Variants in DLG2 observed in about 807,000 individuals in gnomAD.
The protein encoded by DLG2 is disks large homolog 2.
DLG2 carries 45 observed loss-of-function variants against 132.5 expected under a neutral mutation model. That is an observed-to-expected ratio of 0.34 (90% CI 0.27 to 0.44). The LOEUF (loss-of-function observed/expected upper bound fraction) is 0.44, where lower values mean the gene tolerates loss of function less well. Among genes scored for constraint, DLG2 ranks in the 20% least tolerant of loss-of-function variants. The pLI, the probability that DLG2 is intolerant of heterozygous loss-of-function variation, is 1.00. For synonymous variants in DLG2, 424 were observed against 419.6 expected, an observed-to-expected ratio of 1.01 and a Z score of -0.13; for missense variants, 1,045 against 1,196.9, an observed-to-expected ratio of 0.87 and a Z score of 1.87.
intron 3 of DLG2, among the ~76,000 whole-genome samples, chr11:85,434,892 C>A (rs1472816808): frequency 6.6e-6 from 1 of 152,154 alleles, no homozygotes; most frequent in Admixed American, 6.5e-5. Flanking sequence ...AGGCCAATAT[C>A]CCTGATGAAC....
chr11:85,307,253 A>C (rs1049045246), intron 3 of DLG2, among the ~76,000 whole-genome samples: 1 of 152,210 alleles, frequency 6.6e-6, no homozygotes, highest in African/African-American at 2.4e-5. Context: ...AAACTGGAGG[A>C]AAAATTAAAA....
chr11:84,950,744 C>G (rs559751891), intron 6 of DLG2, among the ~76,000 whole-genome samples: 2 of 152,076 alleles, frequency 1.3e-5, no homozygotes, highest in African/African-American at 2.4e-5. Flanking sequence ...CACACACACA[C>G]GCACCCCTCC....
At chr11:83,767,946 C>T (rs751234721) in intron 18 of DLG2, among the ~76,000 whole-genome samples, 16 of 152,162 alleles carry the variant, frequency 1.1e-4, no homozygotes, top group Non-Finnish European at 1.8e-4. Context: ...AGCAGAAGCA[C>T]TGCATTTGAC....
At chr11:84,540,504 C>CA (rs2099365911) in intron 6 of DLG2, among the ~76,000 whole-genome samples, 1 of 152,104 alleles carries the variant, frequency 6.6e-6, no homozygotes, top group Non-Finnish European at 1.5e-5. Flanking sequence ...TACCATCTCA[C>CA]TCAGTTAGAA....
intron 6 of DLG2, among the ~76,000 whole-genome samples, chr11:85,034,591 T>G (rs1040104669): frequency 6.6e-6 from 1 of 152,122 alleles, no homozygotes; most frequent in Non-Finnish European, 1.5e-5. Flanking sequence ...TTCTCCAGCA[T>G]AAGAACTGAG....
chr11:85,050,606 G>A (rs1490213475), intron 6 of DLG2, among the ~76,000 whole-genome samples: 3 of 152,116 alleles, frequency 2.0e-5, no homozygotes, highest in African/African-American at 2.4e-5. Context: ...AATGTTGGAC[G>A]AGTACATGTT....
intron 18 of DLG2, among the ~76,000 whole-genome samples, chr11:83,749,569 A>G (rs943486400): frequency 3.3e-5 from 5 of 152,042 alleles, no homozygotes; most frequent in African/African-American, 9.7e-5. Context: ...CTGCACACAG[A>G]GCCCCCACCC....
intron 7 of DLG2, among the ~76,000 whole-genome samples, chr11:84,411,408 A>T (rs550651641): frequency 2.0e-4 from 30 of 152,364 alleles, no homozygotes; most frequent in African/African-American, 7.2e-4. Context: ...AGAGCTAAAA[A>T]ACTACCACAA....
At chr11:84,425,453 C>A (rs2098963298) in intron 7 of DLG2, among the ~76,000 whole-genome samples, 1 of 152,030 alleles carries the variant, frequency 6.6e-6, no homozygotes, top group Admixed American at 6.5e-5. Flanking sequence ...AAAACACTCA[C>A]TAAAGAAATG....
intron 7 of DLG2, among the ~76,000 whole-genome samples, chr11:84,464,217 A>G (rs1396459097): frequency 1.3e-5 from 2 of 151,268 alleles, no homozygotes; most frequent in East Asian, 2.0e-4. Flanking sequence ...CAAGTTTTGC[A>G]TATTGGCATC....
At chr11:83,710,860 A>T (rs1269063477) in intron 18 of DLG2, among the ~76,000 whole-genome samples, 1 of 152,220 alleles carries the variant, frequency 6.6e-6, no homozygotes, top group African/African-American at 2.4e-5. Flanking sequence ...ATGTAATATT[A>T]TAAAGTATTA....
intron 3 of DLG2, among the ~76,000 whole-genome samples, chr11:85,499,394 G>C (rs1258236100): frequency 6.6e-6 from 1 of 152,086 alleles, no homozygotes; most frequent in South Asian, 2.1e-4. Flanking sequence ...GACTAAACCA[G>C]GAAGAAGTTT....
At chr11:83,891,474 T>C (rs1262358717) in intron 15 of DLG2, among the ~76,000 whole-genome samples, 1 of 152,216 alleles carries the variant, frequency 6.6e-6, no homozygotes, top group Non-Finnish European at 1.5e-5. Context: ...TCATGAGCGC[T>C]TTTAAGCAAA....
At chr11:85,498,761 T>A (rs941549433) in intron 3 of DLG2, among the ~76,000 whole-genome samples, 5 of 152,208 alleles carry the variant, frequency 3.3e-5, no homozygotes, top group Admixed American at 6.5e-5. Context: ...AAATTAGAAC[T>A]CAGGATTAAG....
rs150244342 is a variant in DLG2, at chr11:84,632,616, C to T, written c.358-97885G>A. Among the ~76,000 whole-genome samples, 3 of 152,278 alleles carry T rather than the reference C, an allele frequency of 2.0e-5. No homozygotes were observed. In the East Asian group the frequency reaches 5.8e-4, roughly 29 times the overall value. ...TAAGTTTGAAGAGTTCCAACTTCCA[C>T]TAAGTGAATCATGTCTAGCAGTGGA... On this transcript the variant is annotated intron_variant, in intron 6 of 27. Coordinates refer to ENST00000376104, the MANE Select transcript of DLG2 (RefSeq NM_001142699.3).
intron 3 of DLG2, among the ~76,000 whole-genome samples, chr11:85,350,947 A>C (rs1042307866): frequency 6.6e-6 from 1 of 152,192 alleles, no homozygotes; most frequent in Non-Finnish European, 1.5e-5. Flanking sequence ...TCTGTGAAGA[A>C]AGTGATTGGT....
intron 21 of DLG2, among the ~76,000 whole-genome samples, chr11:83,509,086 A>G (rs1214627700): frequency 3.3e-5 from 5 of 152,214 alleles, no homozygotes; most frequent in Admixed American, 3.3e-4. Context: ...GTGTGGTTAT[A>G]TGCTCCCAGG....
chr11:83,753,824 C>CAT (rs562723645), intron 18 of DLG2, among the ~76,000 whole-genome samples: 2 of 36,720 alleles, frequency 5.4e-5, no homozygotes, highest in Non-Finnish European at 9.4e-5. Context: ...ATATATATTT[C>CAT]ATATATATAT....
chr11:84,788,312 G>A (rs529076066), intron 6 of DLG2, among the ~76,000 whole-genome samples: 104 of 152,016 alleles, frequency 6.8e-4, no homozygotes, highest in Non-Finnish European at 1.0e-3. Context: ...TAAGTACTAC[G>A]ACCTATATTC....
Sources: allele counts gnomAD v4.1 joint callset (sites outside exome capture counted in the v4.1 genomes callset), GRCh38; gene constraint gnomAD v4.1.1; transcripts MANE v1.5; gene names NCBI Gene and HGNC (gene_info 2026-07-23, HGNC 2026-07-21).